The following KRT86 variants were observed in gnomAD, a reference collection of about 807,000 sequenced individuals.
The protein encoded by KRT86 is keratin, type II cuticular Hb6.
Under a neutral mutation model 41.2 loss-of-function variants are expected in KRT86, and 30 were observed. That is an observed-to-expected ratio of 0.73 (90% CI 0.54 to 0.99). KRT86 has a LOEUF of 0.99. KRT86 is among the 50% of genes least tolerant of loss of function. The probability of loss-of-function intolerance (pLI) is 0.00; values close to 1 mark genes in which losing one functional copy is unlikely to be tolerated. For synonymous variants in KRT86, 238 were observed against 238.1 expected (o/e 1.00, Z 0.00); for missense variants, 561 against 571.4 (o/e 0.98, Z 0.19).
intron 8 of KRT86, 59 bp downstream of exon 8, chr12:52,305,847 C>T: frequency 2.5e-6 from 4 of 1,611,360 alleles, no homozygotes; most frequent in Non-Finnish European, 2.5e-6. Flanking sequence ...GGTCACACAG[C>T]CTATGTGTGC....
chr12:52,307,589 C>A (rs1184317131), intron 9 of KRT86, among the ~76,000 whole-genome samples: 1 of 152,192 alleles, frequency 6.6e-6, no homozygotes, highest in Admixed American at 6.5e-5. Flanking sequence ...ACAGCCCTGC[C>A]TTGTCATTGG....
chr12:52,305,052 G>A (rs753587380), intron 6 of KRT86, 25 bp downstream of exon 6: 17 of 1,612,870 alleles, frequency 1.1e-5, no homozygotes, highest in East Asian at 2.2e-5. Context: ...GCCAGGCAGA[G>A]ACCTGGCAGC....
Position 52,308,281 on chromosome 12 carries a change from G to C in KRT86, c.1279+17G>C. The C allele has an allele frequency of 6.2e-7, 1 of 1,614,110 alleles. No individual in the cohort carries two copies. On this transcript the variant is annotated intron_variant, in intron 10 of 10. Transcript: ENST00000423955. ...TGAATGTCTGTAAGTAGTGGGGTCCGTCCCCTCCTCCCGCTGGGCGGGTCT... is the reference window on the plus strand; with the variant it reads ...TGAATGTCTGTAAGTAGTGGGGTCCCTCCCCTCCTCCCGCTGGGCGGGTCT...
chr12:52,302,740 G>C, intron 3 of KRT86, among the ~76,000 whole-genome samples: 1 of 122,934 alleles, frequency 8.1e-6, no homozygotes, highest in Non-Finnish European at 1.7e-5. Context: ...AACCTCATCT[G>C]TGATCTGAAC....
chr12:52,277,775 A>C (rs1198359231), intron 2 of KRT86: 1 of 152,494 alleles, frequency 6.6e-6, no homozygotes, highest in Non-Finnish European at 1.5e-5. Context: ...TGCAGTGAGG[A>C]GTGCAGGGGC....
At chr12:52,291,435 C>A in intron 2 of KRT86, 4 of 1,612,446 alleles carry the variant, frequency 2.5e-6, no homozygotes, top group Non-Finnish European at 3.4e-6. Context: ...CAGCTGAAGG[C>A]GCGCCCACCA....
At position 52,303,132 on chromosome 12, in the gene KRT86, G is replaced by A. The variant is rs1938423603; in HGVS notation, c.402G>A (p.Leu134=). The A allele has an allele frequency of 2.1e-6, 1 of 484,196 alleles. No individual in the cohort carries two copies. Among genetic ancestry groups the A allele is most frequent in the South Asian group, 2.1e-5 (1 of 47,182 alleles). The allele number at this position is 484,196 out of a possible 1,614,324, so 30.0% of individuals were successfully genotyped here. The change falls in exon 4 of 11, where the codon CTG becomes CTA. Residue 134 remains leucine (L), a synonymous_variant. Coordinates refer to ENST00000423955, the MANE Select transcript of KRT86 (RefSeq NM_001320198.2). ...TCCTGGAGCAGCAGAACAAACTGCT[G>A]GAGACAAAGCTGCAGTTCTACCAGA... The part of the protein sequence containing the change: ...VRFLEQQNKL[L]ETKLQFYQNR...
chr12:52,287,346 G>A (rs1230561556), intron 2 of KRT86: 2 of 1,613,436 alleles, frequency 1.2e-6, no homozygotes, highest in Admixed American at 1.7e-5. Context: ...AAAGAACAAG[G>A]TAGATTAGAG....
At chr12:52,298,918 A>G (rs1405111666) in intron 2 of KRT86, among the ~76,000 whole-genome samples, 3 of 151,954 alleles carry the variant, frequency 2.0e-5, no homozygotes, top group Admixed American at 1.3e-4. Flanking sequence ...TACTTGGAAT[A>G]TCCATCACCT....
chr12:52,298,337 T>C (rs1352661360), intron 2 of KRT86, among the ~76,000 whole-genome samples: 2 of 152,254 alleles, frequency 1.3e-5, no homozygotes, highest in African/African-American at 2.4e-5. Flanking sequence ...ATAACATTTA[T>C]TGAGCATTTT....
At chr12:52,285,557 T>C (rs951812662) in intron 2 of KRT86, among the ~76,000 whole-genome samples, 1 of 152,066 alleles carries the variant, frequency 6.6e-6, no homozygotes, top group African/African-American at 2.4e-5. Flanking sequence ...CAGATATGCA[T>C]GAGATGTTTT....
At chr12:52,299,887 T>C (rs1938333949) in intron 2 of KRT86, among the ~76,000 whole-genome samples, 1 of 152,238 alleles carries the variant, frequency 6.6e-6, no homozygotes, top group South Asian at 2.1e-4. Context: ...TTCCATTCTG[T>C]AGGTCATTTC....
chr12:52,287,704 G>T (rs1842292147), intron 2 of KRT86: 5 of 1,613,882 alleles, frequency 3.1e-6, no homozygotes, highest in Non-Finnish European at 4.2e-6. Flanking sequence ...TGATCACCGT[G>T]GCCTTCATCT....
Position 52,306,242 on chromosome 12 carries a change from C to A in KRT86, c.1209C>A (p.Ile403=). ...CCAAGCTGGGCCTGGACATCGAGAT[C>A]GCCACCTACAGGCGCCTGCTGGAGG... ...MNSKLGLDIE[I]ATYRRLLEGE... is the part of the protein sequence containing the mutation. The change falls in exon 9 of 11, where the codon ATC becomes ATA. Residue 403 remains isoleucine (I), a synonymous_variant. Coordinates refer to ENST00000423955, the MANE Select transcript of KRT86 (RefSeq NM_001320198.2). 1 of 1,613,670 alleles carries A rather than the reference C, an allele frequency of 6.2e-7. No individual in the cohort carries two copies. Among genetic ancestry groups the A allele is most frequent in the South Asian group, 1.1e-5 (1 of 91,068 alleles).
At chr12:52,280,671 A>T (rs1192486524) in intron 2 of KRT86, among the ~76,000 whole-genome samples, 2 of 152,170 alleles carry the variant, frequency 1.3e-5, no homozygotes, top group Admixed American at 1.3e-4. Context: ...AGGGGGCATG[A>T]CCCCACTGGG....
In KRT86 at chr12:52,286,740, T is replaced by A. The variant is rs1592422138; in HGVS notation, c.-5+10794T>A. On this transcript the variant is annotated intron_variant, in intron 2 of 10. Coordinates refer to ENST00000423955, the MANE Select transcript of KRT86 (RefSeq NM_001320198.2). ...ACACTCCTTTTTCCAAACTCTGCCCTCCATCACAGGTAGTTAGTAAATCTG... is the reference window on the plus strand; with the variant it reads ...ACACTCCTTTTTCCAAACTCTGCCCACCATCACAGGTAGTTAGTAAATCTG... 6.3e-6 allele frequency: 10 copies of A among 1,580,596 alleles called. No homozygotes were observed. The East Asian group carries it at 1.8e-4, about 28-fold the overall frequency.
At chr12:52,288,016 G>A (rs374156610) in intron 2 of KRT86, 92 of 1,614,100 alleles carry the variant, frequency 5.7e-5, no homozygotes, top group African/African-American at 2.1e-4. Flanking sequence ...GCCTCGGCCC[G>A]GCTGCGGGTG....
chr12:52,282,173 G>A (rs1473882373), intron 2 of KRT86, among the ~76,000 whole-genome samples: 3 of 152,042 alleles, frequency 2.0e-5, no homozygotes, highest in African/African-American at 4.8e-5. Context: ...AGGAAGTTAT[G>A]TAAGTGTAAC....
At chr12:52,291,656 C>G in intron 2 of KRT86, 1 of 758,494 alleles carries the variant, frequency 1.3e-6, no homozygotes, top group South Asian at 1.8e-5. Context: ...TAACGCCTCT[C>G]CAGAATGTGC....
Sources: gnomAD v4.1 joint callset for allele counts (sites outside exome capture counted in the v4.1 genomes callset) on GRCh38, gnomAD v4.1.1 for gene constraint, MANE v1.5 for transcripts, NCBI Gene and HGNC (gene_info 2026-07-23, HGNC 2026-07-21) for gene names.